UPF2: variants seen among roughly 807,000 people sequenced by gnomAD.
The protein encoded by UPF2 is regulator of nonsense transcripts 2.
In UPF2, 17 loss-of-function variants were observed where a neutral mutation model predicts 141.4. That is an observed-to-expected ratio of 0.12 (90% CI 0.08 to 0.18). The LOEUF (loss-of-function observed/expected upper bound fraction) is 0.18. Among genes scored for constraint, UPF2 ranks in the 10% least tolerant of loss-of-function variants. The pLI is 1.00. For synonymous variants in UPF2, 540 were observed against 498.0 expected, an observed-to-expected ratio of 1.08 and a Z score of -1.12; for missense variants, 1,152 against 1,515.9, an observed-to-expected ratio of 0.76 and a Z score of 3.99.
chr10:11,993,626 T>G (rs1833818680), intron 8 of UPF2, among the ~76,000 whole-genome samples: 1 of 151,822 alleles, frequency 6.6e-6, no homozygotes, highest in Non-Finnish European at 1.5e-5. Context: ...TACCTGGAAA[T>G]TTTGAAATTC....
intron 17 of UPF2, 89 bp from the exon 18 acceptor site, chr10:11,942,852 AACAT>A: frequency 8.4e-7 from 1 of 1,191,628 alleles, no homozygotes; most frequent in Non-Finnish European, 1.2e-6. Context: ...CAACTTGTTT[AACAT>A]AACTCAAGGA....
intron 12 of UPF2, among the ~76,000 whole-genome samples, chr10:11,958,536 T>C (rs982094739): frequency 1.2e-4 from 19 of 152,352 alleles, no homozygotes; most frequent in Non-Finnish European, 2.8e-4. Context: ...ACCTGCAACA[T>C]CATTCCTTAT....
chr10:12,033,850 A>C (rs1834572535), intron 2 of UPF2, among the ~76,000 whole-genome samples: 1 of 152,124 alleles, frequency 6.6e-6, no homozygotes, highest in Admixed American at 6.6e-5. Context: ...TGCCCGGCCT[A>C]ATAAGTTTTA....
chr10:11,971,368 C>T (rs1248327266), intron 9 of UPF2, among the ~76,000 whole-genome samples: 2 of 152,010 alleles, frequency 1.3e-5, no homozygotes, highest in Non-Finnish European at 2.9e-5. Context: ...GATTCTCCTG[C>T]CTCAGCCTCC....
Position 11,959,463 on chromosome 10 carries a change from G to T in UPF2, c.2185-107C>A. The T allele has an allele frequency of 8.6e-7, 1 of 1,168,830 alleles. No homozygotes were observed. Among genetic ancestry groups the T allele is most frequent in the Non-Finnish European group, 1.2e-6 (1 of 862,542 alleles). The allele number at this position is 1,168,830 out of a possible 1,614,324, so 72.4% of individuals were successfully genotyped here. A position where few individuals can be genotyped will look rare whatever the true frequency, so the allele number is the denominator to read the frequency against. ...TTTGCTATTTCAAAGTAATGGGTTA[G>T]AAAGGCAAAGAAAGGACTGGGCACT... On this transcript the variant is annotated intron_variant, in intron 11 of 21. Coordinates refer to ENST00000357604, the MANE Select transcript of UPF2 (RefSeq NM_015542.4). The surrounding 1 kb of genome is among the most constrained non-coding windows in gnomAD (Gnocchi z 5.9).
chr10:11,942,613 G>A, intron 18 of UPF2, 52 bp downstream of exon 18: 1 of 1,530,138 alleles, frequency 6.5e-7, no homozygotes, highest in Admixed American at 1.7e-5. Context: ...AATGTAATGG[G>A]CTGCAATGTT....
At chr10:11,951,980 G>A (rs1833080765) in intron 15 of UPF2, 86 bp downstream of exon 15, 2 of 1,338,784 alleles carry the variant, frequency 1.5e-6, no homozygotes. Context: ...TACAATGTAA[G>A]CTCTGACTGG....
At chr10:12,038,743 A>AAAC (rs199889023) in intron 1 of UPF2, among the ~76,000 whole-genome samples, 4,574 of 152,030 alleles carry the variant, frequency 0.03, 223 homozygotes, top group African/African-American at 0.1. Context: ...ATACAAAAAA[A>AAAC]AACAACAACA....
chr10:11,944,538 C>T (rs901867896), intron 16 of UPF2, among the ~76,000 whole-genome samples: 6 of 152,058 alleles, frequency 3.9e-5, no homozygotes, highest in African/African-American at 1.2e-4. Flanking sequence ...CTTTTCCCCC[C>T]AAATGCATTA....
intron 9 of UPF2, among the ~76,000 whole-genome samples, chr10:11,972,118 C>A (rs1026201703): frequency 3.3e-5 from 5 of 150,696 alleles, no homozygotes; most frequent in African/African-American, 9.8e-5. Context: ...TGTCAACACA[C>A]ATGAACTGTA....
At position 12,001,072 on chromosome 10, in the gene UPF2, G is replaced by A. The variant is rs190542779; in HGVS notation, c.1654+604C>T. Among the ~76,000 whole-genome samples, 244 of 152,256 alleles carry A rather than the reference G, an allele frequency of 1.6e-3. 1 individual carries two copies. Among genetic ancestry groups the A allele is most frequent in the African/African-American group, 5.5e-3 (230 of 41,556 alleles). On this transcript the variant is annotated intron_variant, in intron 6 of 21. Coordinates refer to ENST00000357604, the MANE Select transcript of UPF2 (RefSeq NM_015542.4). ...AATGCTATCAAGTTCTCAGAAAAGT[G>A]TAAGTATCTTTATTCTATCACAGAA...
chr10:12,036,994 C>T (rs1834637787), intron 1 of UPF2, among the ~76,000 whole-genome samples: 1 of 152,086 alleles, frequency 6.6e-6, no homozygotes, highest in African/African-American at 2.4e-5. Context: ...CATTGGACTC[C>T]AGCCTGGGCA....
rs1348220483 is a variant in UPF2 at position 11,956,904 on chromosome 10, T to C, written c.2371-381A>G. Among the ~76,000 whole-genome samples the C allele has an allele frequency of 1.3e-5, 2 of 152,030 alleles. No homozygotes were observed. Among genetic ancestry groups the C allele is most frequent in the Non-Finnish European group, 2.9e-5 (2 of 67,988 alleles). On this transcript the variant is annotated intron_variant, in intron 12 of 21. Transcript: ENST00000357604. The surrounding 1 kb of genome is among the most constrained non-coding windows in gnomAD (Gnocchi z 4.2). ...AGCGCAATCTTGACTCACTGCAACC[T>C]CCTCCTCCATGGCTCAAGCAATCCT...
intron 4 of UPF2, 42 bp downstream of exon 4, chr10:12,013,982 C>T (rs750925395): frequency 7.6e-6 from 11 of 1,442,322 alleles, no homozygotes; most frequent in Non-Finnish European, 1.0e-5. Flanking sequence ...AGTGACAGTG[C>T]TTACAGAAAA....
chr10:12,009,499 T>A (rs1003745308), intron 4 of UPF2, among the ~76,000 whole-genome samples: 4 of 152,210 alleles, frequency 2.6e-5, no homozygotes, highest in Admixed American at 2.6e-4. Flanking sequence ...TGAAGTACTA[T>A]ATCAGTGACC....
chr10:12,019,613 T>A lies in UPF2; in HGVS notation c.1146-5429A>T, dbSNP rs572166432. On this transcript the variant is annotated intron_variant, in intron 3 of 21. Coordinates refer to ENST00000357604, the MANE Select transcript of UPF2 (RefSeq NM_015542.4). This position sits in a 1 kb window ranked among gnomAD's most constrained non-coding sequence, Gnocchi z 4.5. ...AGAACAAAATCTATGCCAACTCTTA[T>A]GCTTTGTTATAAAAATAAAAAAAAA... Among the ~76,000 whole-genome samples, 145 of 152,344 alleles carry A rather than the reference T, an allele frequency of 9.5e-4. No individual in the cohort carries two copies. The highest frequency in any genetic ancestry group is 3.3e-3 in the African/African-American group (137 of 41,574).
In UPF2 at chr10:11,936,695, A is replaced by T. The variant is rs1410188639; in HGVS notation, c.3396T>A (p.Ser1132=). 1 of 1,608,074 alleles carries T rather than the reference A, an allele frequency of 6.2e-7. No homozygotes were observed. Among genetic ancestry groups the T allele is most frequent in the South Asian group, 1.1e-5 (1 of 89,496 alleles). Residue 1132 remains serine (S), a synonymous_variant, in exon 19 of 22, where the codon TCT becomes TCA. Coordinates refer to ENST00000357604, the MANE Select transcript of UPF2 (RefSeq NM_015542.4). The surrounding 1 kb of genome is among the most constrained non-coding windows in gnomAD (Gnocchi z 6.6). ...LENLQQRSGE[S]VKVHQLDVAI... ...CAACATCTAGTTGGTGCACTTTAAC[A>T]GATTCACCACTTCGTTGCTAAAAGA...
chr10:11,935,057 G>A lies in UPF2; in HGVS notation c.3546+1488C>T, dbSNP rs1455431212. ...TGAGAAGTTGCCTGACAAATGCAGG[G>A]ATAAAATTTAGGCATCATCTGTTTG... On this transcript the variant is annotated intron_variant, in intron 19 of 21. Transcript: ENST00000357604. This position sits in a 1 kb window ranked among gnomAD's most constrained non-coding sequence, Gnocchi z 4.9. 6.6e-6 allele frequency among the ~76,000 whole-genome samples: 1 copy of A among 152,084 alleles called. No homozygotes were observed. Among genetic ancestry groups the A allele is most frequent in the African/African-American group, 2.4e-5 (1 of 41,392 alleles).
intron 3 of UPF2, among the ~76,000 whole-genome samples, chr10:12,023,216 A>G (rs1834348522): frequency 6.6e-6 from 1 of 152,168 alleles, no homozygotes; most frequent in East Asian, 1.9e-4. Context: ...TTCAAAGTAC[A>G]AAGCATTTCA....
Sources: gnomAD v4.1 joint callset for allele counts (sites outside exome capture counted in the v4.1 genomes callset) on GRCh38, gnomAD v4.1.1 for gene constraint, Gnocchi (gnomAD v3.1) non-coding constraint, MANE v1.5 for transcripts, NCBI Gene and HGNC (gene_info 2026-07-23, HGNC 2026-07-21) for gene names.